Variants in CA6 observed in about 807,000 individuals in gnomAD.
The protein encoded by CA6 is carbonate dehydratase VI.
A neutral mutation model predicts 35.9 loss-of-function variants in CA6; 28 were observed. The observed-to-expected ratio is 0.78, with a 90% confidence interval of 0.58 to 1.07. CA6 has a LOEUF of 1.07. Among genes scored for constraint, CA6 ranks in the 50% least tolerant of loss-of-function variants. CA6 has a pLI of 0.00. For missense variants in CA6, 377 were observed against 382.0 expected (o/e 0.99, Z 0.11); for synonymous variants, 148 against 152.6 (o/e 0.97, Z 0.22).
chr1:8,968,841 C>A (rs1016335114), intron 6 of CA6, among the ~76,000 whole-genome samples: 3 of 151,162 alleles, frequency 2.0e-5, no homozygotes, highest in Admixed American at 6.6e-5. Context: ...CATGGTGGAA[C>A]CCCGTCTCTA....
chr1:8,951,518 C>G, intron 2 of CA6: 1 of 765,196 alleles, frequency 1.3e-6, no homozygotes, highest in Non-Finnish European at 2.4e-6. Context: ...TTCACCCTCC[C>G]TGGACAGCTG....
intron 4 of CA6, among the ~76,000 whole-genome samples, chr1:8,959,242 G>A (rs1266709750): frequency 5.9e-5 from 9 of 151,988 alleles, no homozygotes; most frequent in African/African-American, 1.7e-4. Flanking sequence ...GAGGGGTTGC[G>A]TAGACACAAA....
intron 7 of CA6, among the ~76,000 whole-genome samples, chr1:8,972,892 A>G (rs1640145952): frequency 6.6e-6 from 1 of 152,172 alleles, no homozygotes; most frequent in African/African-American, 2.4e-5. Context: ...CATCAGTTAC[A>G]GTAATCATTT....
chr1:8,953,552 G>A (rs1639595341), intron 2 of CA6, among the ~76,000 whole-genome samples: 1 of 152,174 alleles, frequency 6.6e-6, no homozygotes, highest in African/African-American at 2.4e-5. Context: ...AGCTTGGGAG[G>A]TCAAGGCTGC....
Position 8,963,095 on chromosome 1 carries a change from G to A in CA6, c.571+439G>A, listed in dbSNP as rs1041509807. 2.0e-5 allele frequency among the ~76,000 whole-genome samples: 3 copies of A among 152,124 alleles called. No homozygotes were observed. The highest frequency in any genetic ancestry group is 7.2e-5 in the African/African-American group (3 of 41,430). On this transcript the variant is annotated intron_variant, in intron 5 of 7. Transcript: ENST00000377443. The surrounding 1 kb of genome is among the most constrained non-coding windows in gnomAD (Gnocchi z 4.1). ...TCTTCCGTCCCCTCTCCTCCAGAGG[G>A]CGGCGTTCTTGTAAGAGCCATTTCC... is the stretch of plus-strand genomic sequence containing the variant.
chr1:8,958,662 C>T (rs1474047944), intron 3 of CA6, among the ~76,000 whole-genome samples: 3 of 152,156 alleles, frequency 2.0e-5, no homozygotes, highest in Non-Finnish European at 4.4e-5. Context: ...GAGGTGTGGT[C>T]GGGAAATGGC....
intron 5 of CA6, among the ~76,000 whole-genome samples, chr1:8,965,667 C>A (rs1344970264): frequency 6.6e-6 from 1 of 152,100 alleles, no homozygotes; most frequent in Admixed American, 6.6e-5. Context: ...GCTGGCAGAG[C>A]ACTTGAGGTC....
At chr1:8,969,246 C>T (rs755224181) in intron 6 of CA6, among the ~76,000 whole-genome samples, 2 of 149,814 alleles carry the variant, frequency 1.3e-5, no homozygotes, top group African/African-American at 4.9e-5. Flanking sequence ...ACCCAGGAGG[C>T]GGATGTTGCA....
Position 8,960,789 on chromosome 1 carries a change from C to CACACACATATATAT in CA6, c.501+1788_501+1789insCACACATATATATA, listed in dbSNP as rs59987426. 1.5e-3 allele frequency among the ~76,000 whole-genome samples: 171 copies of CACACACATATATAT among 116,940 alleles called. 1 individual carries two copies. The highest frequency in any genetic ancestry group is 4.4e-3 in the African/African-American group (131 of 30,014). The allele number at this position is 116,940 out of a possible 152,430, so 76.7% of individuals were successfully genotyped here. On this transcript the variant is annotated intron_variant, in intron 4 of 7. Coordinates refer to ENST00000377443, the MANE Select transcript of CA6 (RefSeq NM_001215.4). Reference sequence around the variant, plus strand: ...ACACACACACACACACACACACACACATATATATAATGGGAGTCCCAGAAG... The same window carrying CACACACATATATAT: ...ACACACACACACACACACACACACACACACACATATATATATATATATAATGGGAGTCCCAGAAG...
At chr1:8,970,565 G>T (rs1303384557) in intron 6 of CA6, among the ~76,000 whole-genome samples, 2 of 151,924 alleles carry the variant, frequency 1.3e-5, no homozygotes, top group African/African-American at 4.8e-5. Flanking sequence ...CTGGAGTGCG[G>T]TTGCGTGATA....
At chr1:8,969,151 T>C (rs1423506015) in intron 6 of CA6, among the ~76,000 whole-genome samples, 1 of 152,020 alleles carries the variant, frequency 6.6e-6, no homozygotes, top group Non-Finnish European at 1.5e-5. Context: ...CTGTCTCTAC[T>C]AAAGATACAA....
At chr1:8,954,923 A>C (rs1208973037) in intron 2 of CA6, among the ~76,000 whole-genome samples, 1 of 152,240 alleles carries the variant, frequency 6.6e-6, no homozygotes, top group Non-Finnish European at 1.5e-5. Context: ...TTCAATAAAG[A>C]GAAATTCAAA....
At chr1:8,951,430 G>A (rs1386224393) in intron 2 of CA6, 2 of 762,506 alleles carry the variant, frequency 2.6e-6, no homozygotes, top group Non-Finnish European at 4.8e-6. Context: ...CAGATTGGCA[G>A]GCGGAACTCT....
intron 5 of CA6, 91 bp downstream of exon 5, chr1:8,962,747 G>A: frequency 9.1e-7 from 1 of 1,094,512 alleles, no homozygotes; most frequent in Admixed American, 1.7e-5. Flanking sequence ...GATTGATGCT[G>A]GTGGGGAGGG....
rs1324769697 is a variant in CA6 at position 8,967,668 on chromosome 1, C to T, written c.581C>T (p.Thr194Ile). Residue 194 changes from threonine (T) to isoleucine (I), a missense_variant, in exon 6 of 8, where the codon ACA becomes ATA. Transcript: ENST00000377443. Reference sequence around the variant, plus strand: ...CTGTCTTCTTGGTCAGGACAAAGAACAACCCTGACTGGCCTTGACGTTCAG... The same window carrying T: ...CTGTCTTCTTGGTCAGGACAAAGAATAACCCTGACTGGCCTTGACGTTCAG... Reference protein sequence around the residue: ...LANIKYPGQRTTLTGLDVQDM... With the variant: ...LANIKYPGQRITLTGLDVQDM... 3.1e-6 allele frequency: 5 copies of T among 1,613,872 alleles called. No individual in the cohort carries two copies. The Admixed American group carries it at 6.7e-5, about 22-fold the overall frequency.
intron 5 of CA6, among the ~76,000 whole-genome samples, chr1:8,966,259 G>A (rs1639965178): frequency 6.6e-6 from 1 of 152,026 alleles, no homozygotes. Context: ...ACAGGCACGT[G>A]CCACCATGCC....
At chr1:8,966,625 C>A (rs904172274) in intron 5 of CA6, among the ~76,000 whole-genome samples, 2 of 152,144 alleles carry the variant, frequency 1.3e-5, no homozygotes, top group African/African-American at 4.8e-5. Flanking sequence ...GACATTGTGG[C>A]CTTGGTTGAA....
At chr1:8,946,025 G>A (rs1190927612) in intron 1 of CA6, 60 bp downstream of exon 1, 2 of 1,031,494 alleles carry the variant, frequency 1.9e-6, no homozygotes, top group Non-Finnish European at 3.0e-6. Flanking sequence ...AACAGGACAA[G>A]TGCCCTTCTT....
intron 6 of CA6, 22 bp downstream of exon 6, chr1:8,967,838 C>T (rs1314900080): frequency 6.2e-7 from 1 of 1,609,570 alleles, no homozygotes; most frequent in Non-Finnish European, 8.5e-7. Context: ...TATCACTTTG[C>T]CGAAGTCTTC....
Sources: gnomAD v4.1 joint callset for allele counts (sites outside exome capture counted in the v4.1 genomes callset) on GRCh38, gnomAD v4.1.1 for gene constraint, Gnocchi (gnomAD v3.1) non-coding constraint, MANE v1.5 for transcripts, NCBI Gene and HGNC (gene_info 2026-07-23, HGNC 2026-07-21) for gene names.